Variants in ANK2 observed in about 807,000 individuals in gnomAD.
ANK2 encodes the protein ankyrin 2, also known as ankyrin-2.
In ANK2, 83 loss-of-function variants were observed where a neutral mutation model predicts 360.5. The ratio of observed to expected loss-of-function variants is 0.23; its 90% CI spans 0.19 to 0.28. The LOEUF (loss-of-function observed/expected upper bound fraction) is 0.28, where lower values mean the gene tolerates loss of function less well. ANK2 is among the 10% of genes least tolerant of loss of function. The probability of loss-of-function intolerance (pLI) is 1.00; values close to 1 mark genes in which losing one functional copy is unlikely to be tolerated. For synonymous variants in ANK2, 1,740 were observed against 1,759.5 expected (o/e 0.99, Z 0.28); for missense variants, 4,201 against 4,795.7 (o/e 0.88, Z 3.66).
the ANK2 span, among the ~76,000 whole-genome samples, chr4:112,792,462 A>G: frequency 2.0e-5 from 3 of 152,192 alleles, no homozygotes; most frequent in Non-Finnish European, 4.4e-5. Flanking sequence ...AAGCATTCTT[A>G]CTGTACAAGT....
chr4:113,302,615 A>G, intron 22 of ANK2, 152 bp from the exon 23 acceptor site: 2 of 653,536 alleles, frequency 3.1e-6, no homozygotes, highest in South Asian at 3.5e-5. Flanking sequence ...TTTTCATGAA[A>G]GCAAATTTCC....
intron 16 of ANK2, 42 bp downstream of exon 16, chr4:113,277,977 T>G (rs1244253965): frequency 6.5e-6 from 10 of 1,548,398 alleles, no homozygotes; most frequent in Non-Finnish European, 8.9e-6. Context: ...ACAGTGAAGG[T>G]GATAGATTAG....
intron 5 of ANK2, among the ~76,000 whole-genome samples, chr4:113,233,284 G>A (rs1330515890): frequency 2.0e-5 from 3 of 149,618 alleles, no homozygotes; most frequent in South Asian, 2.1e-4. Context: ...ACAGGCGCCC[G>A]CCACTACGCC....
At chr4:112,746,003 G>GT in the ANK2 span, among the ~76,000 whole-genome samples, 13 of 150,290 alleles carry the variant, frequency 8.6e-5, no homozygotes, top group African/African-American at 1.7e-4. Flanking sequence ...TGTTATTGTT[G>GT]TTTTTTTTCA....
chr4:113,095,416 C>T lies in ANK2; in HGVS notation c.84+45604C>T, dbSNP rs139001960. Among the ~76,000 whole-genome samples, 1,051 of 152,270 alleles carry T rather than the reference C, an allele frequency of 6.9e-3. 6 individuals carry two copies. The highest frequency in any genetic ancestry group is 0.024 in the African/African-American group (994 of 41,546). ...ACCTATATGAGTAAAAATTGTTACA[C>T]ATAAAATGCGTTTTTGATTTGGAGT... On this transcript the variant is annotated intron_variant, in intron 1 of 45. Transcript: ENST00000357077.
chr4:112,878,666 C>T (rs2150383738), intron 1 of ANK2, among the ~76,000 whole-genome samples: 1 of 152,044 alleles, frequency 6.6e-6, no homozygotes, highest in South Asian at 2.1e-4. Flanking sequence ...CGGAGTCTCG[C>T]TCTGTCGCCT....
At chr4:112,734,428 C>T in the ANK2 span, among the ~76,000 whole-genome samples, 1 of 152,184 alleles carries the variant, frequency 6.6e-6, no homozygotes, top group African/African-American at 2.4e-5. Flanking sequence ...CTTGGGATGG[C>T]TTAGAACCTT....
intron 5 of ANK2, among the ~76,000 whole-genome samples, chr4:113,235,931 T>G (rs370013586): frequency 6.6e-6 from 1 of 151,208 alleles, no homozygotes; most frequent in African/African-American, 2.4e-5. Flanking sequence ...TAGTAGAGAC[T>G]GGGTTTCACT....
chr4:112,722,158 G>A, the ANK2 span, among the ~76,000 whole-genome samples: 14 of 152,202 alleles, frequency 9.2e-5, no homozygotes, highest in Non-Finnish European at 1.5e-4. Flanking sequence ...AGACAGCTCC[G>A]GCCAAGATAG....
the ANK2 span, among the ~76,000 whole-genome samples, chr4:112,737,313 A>C: frequency 6.6e-6 from 1 of 152,236 alleles, no homozygotes; most frequent in African/African-American, 2.4e-5. Flanking sequence ...GGAAATATGT[A>C]AGTTCTCTCT....
chr4:113,155,560 A>T (rs1307279991), intron 1 of ANK2, among the ~76,000 whole-genome samples: 2 of 152,170 alleles, frequency 1.3e-5, no homozygotes, highest in Non-Finnish European at 2.9e-5. Context: ...CGTTTTAGGA[A>T]ATTAAAAAAA....
At chr4:112,851,623 C>A (rs1560788897) in intron 1 of ANK2, among the ~76,000 whole-genome samples, 1 of 151,658 alleles carries the variant, frequency 6.6e-6, no homozygotes, top group Non-Finnish European at 1.5e-5. Context: ...AATTACTTTT[C>A]TTTTTCTTTT....
chr4:113,151,311 G>A (rs1259625762), intron 1 of ANK2: 2 of 408,176 alleles, frequency 4.9e-6, no homozygotes, highest in Non-Finnish European at 8.4e-6. Flanking sequence ...AAGAAAAGAG[G>A]TTTATTTGGA....
intron 1 of ANK2, among the ~76,000 whole-genome samples, chr4:113,173,535 G>C (rs1357342654): frequency 6.6e-6 from 1 of 152,028 alleles, no homozygotes; most frequent in Non-Finnish European, 1.5e-5. Context: ...CCCAACAAAA[G>C]TTTATCATCG....
At chr4:112,894,913 T>C (rs1017247298) in intron 1 of ANK2, among the ~76,000 whole-genome samples, 2 of 152,180 alleles carry the variant, frequency 1.3e-5, no homozygotes, top group Non-Finnish European at 2.9e-5. Context: ...TTTCTTTTTT[T>C]CCCCCACAGT....
In ANK2 at chr4:113,369,690, C is replaced by CCTCAGAGCA. The variant is rs779944251; in HGVS notation, c.11497_11505dup (p.Ser3833_His3835dup). 1 of 1,614,104 alleles carries CCTCAGAGCA rather than the reference C, an allele frequency of 6.2e-7. No individual in the cohort carries two copies. Among genetic ancestry groups the CCTCAGAGCA allele is most frequent in the East Asian group, 2.2e-5 (1 of 44,864 alleles). ...CCCATCATACAAGAACCCGAAGAGC[C>CCTCAGAGCA]CTCAGAGCACAGAGAGGAGAGCTCT... is the stretch of plus-strand genomic sequence containing the variant. On this transcript the variant is annotated inframe_insertion, in exon 43 of 46. Transcript: ENST00000357077.
chr4:113,051,402 T>C (rs2066936088), intron 1 of ANK2, among the ~76,000 whole-genome samples: 1 of 152,170 alleles, frequency 6.6e-6, no homozygotes, highest in Non-Finnish European at 1.5e-5. Flanking sequence ...AAAGCCATTT[T>C]AAAGTCTTTG....
chr4:113,254,948 A>G (rs914977993), intron 10 of ANK2, among the ~76,000 whole-genome samples: 2 of 150,080 alleles, frequency 1.3e-5, no homozygotes, highest in Non-Finnish European at 3.0e-5. Context: ...AAGTTTACAT[A>G]TTGTTTCCTG....
At position 113,217,471 on chromosome 4, in the gene ANK2, C is replaced by T. The variant is rs188773208; in HGVS notation, c.385-14690C>T. Among the ~76,000 whole-genome samples, 490 of 152,260 alleles carry T rather than the reference C, an allele frequency of 3.2e-3. 2 individuals are homozygous for T. The highest frequency in any genetic ancestry group is 8.6e-3 in the Admixed American group (131 of 15,298). On this transcript the variant is annotated intron_variant, in intron 4 of 45. Coordinates refer to ENST00000357077, the MANE Select transcript of ANK2 (RefSeq NM_001148.6). Reference sequence around the variant, plus strand: ...TCAAGGTATAAATTATAACTAAATACTCCAAAGCAGCGGTTGCCAAGGACC... The same window carrying T: ...TCAAGGTATAAATTATAACTAAATATTCCAAAGCAGCGGTTGCCAAGGACC...
Sources: allele counts gnomAD v4.1 joint callset (sites outside exome capture counted in the v4.1 genomes callset), GRCh38; gene constraint gnomAD v4.1.1; transcripts MANE v1.5; gene names NCBI Gene and HGNC (gene_info 2026-07-23, HGNC 2026-07-21).